Variants in CSMD1 observed in about 807,000 individuals in gnomAD.
CSMD1 encodes CUB and sushi domain-containing protein 1.
A neutral mutation model predicts 417.5 loss-of-function variants in CSMD1; 213 were observed. The observed-to-expected ratio is 0.51, with a 90% CI of 0.46 to 0.57. CSMD1 has a LOEUF of 0.57. CSMD1 is among the 20% of genes least tolerant of loss of function. The pLI is 0.00. For missense variants in CSMD1, 6,923 were observed against 4,529.7 expected, an observed-to-expected ratio of 1.53 and a Z score of -15.17; for synonymous variants, 2,862 against 1,736.8, an observed-to-expected ratio of 1.65 and a Z score of -16.11.
chr8:4,972,397 A>G (rs1435765972), intron 1 of CSMD1, among the ~76,000 whole-genome samples: 1 of 152,138 alleles, frequency 6.6e-6, no homozygotes, highest in Non-Finnish European at 1.5e-5. Flanking sequence ...TGCTGTTCTC[A>G]TGATAGCAAG....
chr8:4,574,216 C>A (rs1408725726), intron 2 of CSMD1, among the ~76,000 whole-genome samples: 1 of 152,120 alleles, frequency 6.6e-6, no homozygotes, highest in Non-Finnish European at 1.5e-5. Flanking sequence ...TGAACAGCTG[C>A]CGAGTTTTTT....
At chr8:4,146,859 C>A (rs1464348137) in intron 3 of CSMD1, among the ~76,000 whole-genome samples, 2 of 146,912 alleles carry the variant, frequency 1.4e-5, no homozygotes, top group African/African-American at 5.4e-5. Flanking sequence ...ATCCGCCCGC[C>A]TCAGCCTCCC....
At chr8:3,734,786 C>T (rs1263637671) in intron 6 of CSMD1, among the ~76,000 whole-genome samples, 1 of 152,238 alleles carries the variant, frequency 6.6e-6, no homozygotes, top group Non-Finnish European at 1.5e-5. Context: ...TCTCTGCTCT[C>T]TGCAACTGGG....
chr8:4,197,666 G>T (rs890091103), intron 3 of CSMD1, among the ~76,000 whole-genome samples: 1 of 152,148 alleles, frequency 6.6e-6, no homozygotes. Flanking sequence ...ATCATTTGAG[G>T]CCAGGAGTTT....
intron 12 of CSMD1, among the ~76,000 whole-genome samples, chr8:3,421,916 G>C (rs958033780): frequency 2.0e-5 from 3 of 151,622 alleles, no homozygotes; most frequent in Non-Finnish European, 4.4e-5. Context: ...GGGATTACAG[G>C]CGTGAGCCAC....
chr8:4,492,295 G>A (rs1242477198), intron 2 of CSMD1, among the ~76,000 whole-genome samples: 1 of 152,062 alleles, frequency 6.6e-6, no homozygotes, highest in Non-Finnish European at 1.5e-5. Context: ...TTCTTATGTT[G>A]CCCAGGATGG....
intron 47 of CSMD1, among the ~76,000 whole-genome samples, chr8:3,092,121 T>C (rs1006686867): frequency 6.6e-6 from 1 of 152,144 alleles, no homozygotes; most frequent in African/African-American, 2.4e-5. Flanking sequence ...TGTACGCAAG[T>C]ATTATTTATA....
At chr8:4,689,846 A>G (rs1305883324) in intron 1 of CSMD1, among the ~76,000 whole-genome samples, 1 of 152,184 alleles carries the variant, frequency 6.6e-6, no homozygotes, top group African/African-American at 2.4e-5. Flanking sequence ...CTTTAATACT[A>G]GACTCATTGT....
intron 2 of CSMD1, among the ~76,000 whole-genome samples, chr8:4,437,450 A>T (rs935292810): frequency 6.6e-6 from 1 of 152,190 alleles, no homozygotes; most frequent in Admixed American, 6.5e-5. Flanking sequence ...AATCAGAAAC[A>T]TTCACCAAAA....
intron 1 of CSMD1, among the ~76,000 whole-genome samples, chr8:4,707,749 T>C (rs1038043284): frequency 1.5e-4 from 23 of 151,654 alleles, no homozygotes; most frequent in Middle Eastern, 3.4e-3. Context: ...TAGCCGGGCG[T>C]CGTGGCAGGC....
At chr8:4,262,248 G>A (rs1803938087) in intron 3 of CSMD1, among the ~76,000 whole-genome samples, 2 of 152,154 alleles carry the variant, frequency 1.3e-5, no homozygotes, top group African/African-American at 4.8e-5. Context: ...AAACTCCGGG[G>A]CATGGTGGAG....
rs923581030 is a variant in CSMD1 at position 4,022,741 on chromosome 8, G to C, written c.610+9164C>G. On this transcript the variant is annotated intron_variant, in intron 4 of 69. Coordinates refer to ENST00000635120, the MANE Select transcript of CSMD1 (RefSeq NM_033225.6). ...GAAGTGACAACTCACTGGATGAACA[G>C]ACAACTAGAAACTTTGGGAATCAGA... Among the ~76,000 whole-genome samples, 11 of 152,258 alleles carry C rather than the reference G, an allele frequency of 7.2e-5. No individual in the cohort carries two copies. In the East Asian group the frequency reaches 1.5e-3, roughly 21 times the overall value.
intron 5 of CSMD1, among the ~76,000 whole-genome samples, chr8:3,915,847 C>G (rs369472987): frequency 1.4e-5 from 2 of 147,208 alleles, no homozygotes; most frequent in East Asian, 2.0e-4. Flanking sequence ...ACATATCACC[C>G]CAACTAGAAA....
chr8:3,346,262 A>C (rs1381032848), intron 22 of CSMD1, among the ~76,000 whole-genome samples: 1 of 152,216 alleles, frequency 6.6e-6, no homozygotes, highest in Non-Finnish European at 1.5e-5. Flanking sequence ...ATCACAAATG[A>C]ACATAATTTC....
intron 3 of CSMD1, among the ~76,000 whole-genome samples, chr8:4,094,617 C>T (rs558466617): frequency 6.6e-6 from 1 of 152,044 alleles, no homozygotes; most frequent in East Asian, 1.9e-4. Flanking sequence ...AGAGGAGAGG[C>T]GTGTGTCACA....
chr8:4,114,714 G>T (rs1229043448), intron 3 of CSMD1, among the ~76,000 whole-genome samples: 1 of 152,164 alleles, frequency 6.6e-6, no homozygotes, highest in Non-Finnish European at 1.5e-5. Context: ...AAATGAATAG[G>T]AGTTTAGAAG....
intron 3 of CSMD1, among the ~76,000 whole-genome samples, chr8:4,419,291 C>T (rs117856448): frequency 6.6e-5 from 10 of 152,210 alleles, no homozygotes; most frequent in African/African-American, 2.2e-4. Flanking sequence ...AGACACACAT[C>T]GGCCTTTAAA....
chr8:2,966,040 C>G, intron 58 of CSMD1, 86 bp from the exon 59 acceptor site: 2 of 1,222,856 alleles, frequency 1.6e-6, no homozygotes, highest in Non-Finnish European at 2.3e-6. Context: ...GATACTCTCT[C>G]TGAGTTGCTA....
Position 2,937,447 on chromosome 8 carries a change from A to AC in CSMD1, c.*1137_*1138insG, listed in dbSNP as rs1238219484. The AC allele has an allele frequency of 3.7e-4, 39 of 104,118 alleles. No individual in the cohort carries two copies. Among genetic ancestry groups the AC allele is most frequent in the Non-Finnish European group, 2.9e-4 (14 of 47,668 alleles). 6.4% of individuals were successfully genotyped at this position (104,118 alleles called of 1,614,324 possible). A position where few individuals can be genotyped will look rare whatever the true frequency, so the allele number is the denominator to read the frequency against. ...TGGCACAGTAAAAGACAAAAAAAAA[A>AC]AAAAACAAAAAAAAAACACTGCAAA... On this transcript the variant is annotated 3_prime_UTR_variant, in exon 70 of 70. Transcript: ENST00000635120.
Sources: gnomAD v4.1 joint callset for allele counts (sites outside exome capture counted in the v4.1 genomes callset) on GRCh38, gnomAD v4.1.1 for gene constraint, MANE v1.5 for transcripts, NCBI Gene and HGNC (gene_info 2026-07-23, HGNC 2026-07-21) for gene names.